FHIT: variants seen among roughly 807,000 people sequenced by gnomAD.
The protein encoded by FHIT is bis(5'-adenosyl)-triphosphatase.
A neutral mutation model predicts 17.9 loss-of-function variants in FHIT; 19 were observed. The observed-to-expected ratio is 1.06, with a 90% CI of 0.74 to 1.56. The LOEUF is 1.56. Ranked by LOEUF, FHIT falls within the 40% of genes most tolerant of loss-of-function variation. The probability of loss-of-function intolerance (pLI) is 0.00; values close to 1 mark genes in which losing one functional copy is unlikely to be tolerated. For missense variants in FHIT, 248 were observed against 189.2 expected, an observed-to-expected ratio of 1.31 and a Z score of -1.82; for synonymous variants, 81 against 69.7, an observed-to-expected ratio of 1.16 and a Z score of -0.81.
intron 3 of FHIT, among the ~76,000 whole-genome samples, chr3:60,964,529 A>G (rs559598621): frequency 1.3e-5 from 2 of 152,256 alleles, no homozygotes; most frequent in African/African-American, 4.8e-5. Context: ...TCCTAGCATC[A>G]ATGGTGTTTA....
intron 4 of FHIT, among the ~76,000 whole-genome samples, chr3:60,820,254 G>A (rs1357358162): frequency 1.3e-5 from 2 of 152,126 alleles, no homozygotes; most frequent in Admixed American, 6.5e-5. Context: ...GTTGCGGTTA[G>A]CTGAGATCAC....
chr3:60,903,025 AC>A (rs1319810793), intron 3 of FHIT, among the ~76,000 whole-genome samples: 1 of 152,152 alleles, frequency 6.6e-6, no homozygotes, highest in African/African-American at 2.4e-5. Flanking sequence ...ACTCCTATAA[AC>A]CTGTATTTCC....
chr3:60,169,361 A>G (rs1701317545), intron 5 of FHIT, among the ~76,000 whole-genome samples: 1 of 152,180 alleles, frequency 6.6e-6, no homozygotes, highest in Non-Finnish European at 1.5e-5. Flanking sequence ...ATAAACATCC[A>G]TCATTGCATA....
chr3:60,671,672 G>C (rs2040507585), intron 4 of FHIT, among the ~76,000 whole-genome samples: 1 of 151,938 alleles, frequency 6.6e-6, no homozygotes, highest in African/African-American at 2.4e-5. Flanking sequence ...GGGTGCAGTG[G>C]CTCATGCCTG....
chr3:59,752,695 T>C (rs145779752), intron 8 of FHIT, among the ~76,000 whole-genome samples: 2 of 152,218 alleles, frequency 1.3e-5, no homozygotes, highest in African/African-American at 2.4e-5. Context: ...TAGTGAGTTA[T>C]TGGGGGACCT....
At chr3:60,092,271 G>C (rs1703765092) in intron 5 of FHIT, among the ~76,000 whole-genome samples, 2 of 152,110 alleles carry the variant, frequency 1.3e-5, no homozygotes, top group Admixed American at 1.3e-4. Flanking sequence ...ATATCTGCTT[G>C]GTACCATGTG....
chr3:61,185,137 T>C (rs968433472), intron 2 of FHIT, among the ~76,000 whole-genome samples: 2 of 152,222 alleles, frequency 1.3e-5, no homozygotes, highest in South Asian at 4.1e-4. Context: ...GTGTAGCATA[T>C]GTTCATAAGC....
intron 5 of FHIT, among the ~76,000 whole-genome samples, chr3:60,053,412 A>C (rs1225702482): frequency 6.7e-6 from 1 of 149,284 alleles, no homozygotes; most frequent in East Asian, 1.9e-4. Flanking sequence ...ATACTCAACA[A>C]ATTTTTATCA....
At chr3:60,894,960 A>T (rs1041197831) in intron 3 of FHIT, among the ~76,000 whole-genome samples, 1 of 152,220 alleles carries the variant, frequency 6.6e-6, no homozygotes, top group African/African-American at 2.4e-5. Context: ...TACAATGATC[A>T]AAATCAGGGA....
intron 5 of FHIT, among the ~76,000 whole-genome samples, chr3:60,312,302 A>AT (rs202211076): frequency 2.6e-5 from 4 of 151,842 alleles, no homozygotes; most frequent in East Asian, 1.9e-4. Flanking sequence ...TGCCTGGCTG[A>AT]TTTTTTTTAA....
At chr3:59,988,618 A>G (rs1447726252) in intron 7 of FHIT, among the ~76,000 whole-genome samples, 2 of 152,036 alleles carry the variant, frequency 1.3e-5, no homozygotes, top group Non-Finnish European at 2.9e-5. Context: ...CCCTGTTCTC[A>G]TGAGCTTACA....
At chr3:60,730,232 T>A (rs1398787209) in intron 4 of FHIT, 1 of 278,172 alleles carries the variant, frequency 3.6e-6, no homozygotes, top group Non-Finnish European at 7.6e-6. Context: ...TGTACAGCTG[T>A]CATGGCCACA....
intron 5 of FHIT, among the ~76,000 whole-genome samples, chr3:60,244,258 G>A: frequency 6.6e-6 from 1 of 151,992 alleles, no homozygotes; most frequent in East Asian, 1.9e-4. Context: ...AAAGGGAATT[G>A]TCTATAGGAT....
At chr3:60,019,940 T>A (rs1003638909) in intron 5 of FHIT, among the ~76,000 whole-genome samples, 1 of 152,180 alleles carries the variant, frequency 6.6e-6, no homozygotes, top group Non-Finnish European at 1.5e-5. Flanking sequence ...TATGGCAGAA[T>A]AATCGACCAC....
At chr3:60,136,715 C>T (rs1038076096) in intron 5 of FHIT, among the ~76,000 whole-genome samples, 10 of 152,092 alleles carry the variant, frequency 6.6e-5, no homozygotes, top group African/African-American at 1.7e-4. Context: ...TTGTTAAGAC[C>T]GCACATTGCA....
chr3:61,228,123 T>C (rs2040014773), intron 1 of FHIT, among the ~76,000 whole-genome samples: 1 of 151,714 alleles, frequency 6.6e-6, no homozygotes, highest in South Asian at 2.1e-4. Flanking sequence ...CCCCAAAATA[T>C]ACCACATTGG....
chr3:60,394,710 A>C (rs1440333997), intron 5 of FHIT, among the ~76,000 whole-genome samples: 1 of 152,184 alleles, frequency 6.6e-6, no homozygotes, highest in East Asian at 1.9e-4. Context: ...GAGTTGATAC[A>C]TATTATATAT....
At position 60,275,806 on chromosome 3, in the gene FHIT, T is replaced by C. The variant is rs138032055; in HGVS notation, c.103+261054A>G. Among the ~76,000 whole-genome samples the C allele has an allele frequency of 3.7e-3, 570 of 152,284 alleles. 14 individuals carry two copies. Among genetic ancestry groups the C allele is most frequent in the Admixed American group, 0.034 (516 of 15,290 alleles). On this transcript the variant is annotated intron_variant, in intron 5 of 9. Coordinates refer to ENST00000492590, the MANE Select transcript of FHIT (RefSeq NM_002012.4). ...ATATTCTATCTTCTCATGTGGTCTT[T>C]CGGCATCAGTCCTATCCTACACAAT...
intron 5 of FHIT, among the ~76,000 whole-genome samples, chr3:60,319,946 G>A (rs1418420036): frequency 6.6e-6 from 1 of 152,108 alleles, no homozygotes; most frequent in Non-Finnish European, 1.5e-5. Context: ...GACCTAAGAG[G>A]ATGCACAATA....
Sources: gnomAD v4.1 joint callset for allele counts (sites outside exome capture counted in the v4.1 genomes callset) on GRCh38, gnomAD v4.1.1 for gene constraint, MANE v1.5 for transcripts, NCBI Gene and HGNC (gene_info 2026-07-23, HGNC 2026-07-21) for gene names.